The following CA1 variants were observed in gnomAD, a reference collection of about 807,000 sequenced individuals.
CA1 encodes carbonic anhydrase 1.
In CA1, 27 loss-of-function variants were observed where a neutral mutation model predicts 28.8. That is an observed-to-expected ratio of 0.94 (90% CI 0.69 to 1.29). CA1 has a LOEUF of 1.29. Ranked by LOEUF, CA1 falls within the 50% of genes most tolerant of loss-of-function variation. CA1 has a pLI of 0.00. For missense variants in CA1, 335 were observed against 310.5 expected, an observed-to-expected ratio of 1.08 and a Z score of -0.59; for synonymous variants, 121 against 108.8, an observed-to-expected ratio of 1.11 and a Z score of -0.70.
chr8:85,327,865 T>C lies in CA1; in HGVS notation c.*695A>G, dbSNP rs1040394680. ...TTTTCTTCCAATTTTAAAGTAAAGA[T>C]TCTCCATGCAAACTAACTAGTTGTA... On this transcript the variant is annotated 3_prime_UTR_variant, in exon 8 of 8. Coordinates refer to ENST00000523022, the MANE Select transcript of CA1 (RefSeq NM_001128831.4). 6.6e-6 allele frequency: 1 copy of C among 152,224 alleles called. No homozygotes were observed. The highest frequency in any genetic ancestry group is 2.4e-5 in the African/African-American group (1 of 41,476). The allele number at this position is 152,224 out of a possible 1,614,324, so 9.4% of individuals were successfully genotyped here.
At chr8:85,367,448 A>G (rs184415779) in intron 1 of CA1, among the ~76,000 whole-genome samples, 1 of 152,342 alleles carries the variant, frequency 6.6e-6, no homozygotes, top group Non-Finnish European at 1.5e-5. Flanking sequence ...GTGGCATAAG[A>G]GAAAACATTT....
At chr8:85,358,569 C>T (rs113006602) in intron 1 of CA1, among the ~76,000 whole-genome samples, 3,734 of 152,210 alleles carry the variant, frequency 0.025, 148 homozygotes, top group African/African-American at 0.085. Flanking sequence ...GAGCCCGATG[C>T]ATTCTAGTAA....
intron 1 of CA1, among the ~76,000 whole-genome samples, chr8:85,377,578 G>A (rs1405249850): frequency 6.6e-6 from 1 of 152,160 alleles, no homozygotes; most frequent in Non-Finnish European, 1.5e-5. Flanking sequence ...GCTGAGGAGG[G>A]CAGATCACCT....
chr8:85,347,758 A>G (rs1809257708), intron 1 of CA1, among the ~76,000 whole-genome samples: 1 of 151,812 alleles, frequency 6.6e-6, no homozygotes, highest in African/African-American at 2.4e-5. Context: ...CTCAGTTACT[A>G]CTCTTGATAC....
chr8:85,364,667 A>G (rs1440926702), intron 1 of CA1, among the ~76,000 whole-genome samples: 3 of 152,226 alleles, frequency 2.0e-5, no homozygotes, highest in Admixed American at 2.0e-4. Flanking sequence ...ATACACACTG[A>G]GCTATGAAAA....
At chr8:85,355,128 A>G (rs1398192450) in intron 1 of CA1, among the ~76,000 whole-genome samples, 1 of 152,088 alleles carries the variant, frequency 6.6e-6, no homozygotes, top group East Asian at 1.9e-4. Context: ...ATGGCCTGAT[A>G]CTGACCACTA....
chr8:85,339,185 G>T (rs1808812675), intron 2 of CA1, among the ~76,000 whole-genome samples: 1 of 152,012 alleles, frequency 6.6e-6, no homozygotes, highest in Non-Finnish European at 1.5e-5. Flanking sequence ...TGCAGATATT[G>T]CATTTTTTAC....
intron 1 of CA1, among the ~76,000 whole-genome samples, chr8:85,356,232 A>G (rs922202338): frequency 2.0e-5 from 3 of 152,180 alleles, no homozygotes; most frequent in Non-Finnish European, 2.9e-5. Context: ...CTAACCTTCT[A>G]TTTGCACAAT....
intron 1 of CA1, among the ~76,000 whole-genome samples, chr8:85,355,158 G>T (rs1809556242): frequency 6.6e-6 from 1 of 152,140 alleles, no homozygotes; most frequent in South Asian, 2.1e-4. Flanking sequence ...AGGGTCAAGT[G>T]ACTGCTTGAA....
intron 6 of CA1, among the ~76,000 whole-genome samples, chr8:85,331,411 A>C (rs1366018285): frequency 6.6e-6 from 1 of 151,844 alleles, no homozygotes; most frequent in Non-Finnish European, 1.5e-5. Flanking sequence ...TTTATTGATA[A>C]AATTTTACCC....
chr8:85,348,289 G>A (rs1374729176), intron 1 of CA1, among the ~76,000 whole-genome samples: 1 of 151,974 alleles, frequency 6.6e-6, no homozygotes, highest in Non-Finnish European at 1.5e-5. Flanking sequence ...TAATTATTAA[G>A]TCAGTATGCT....
intron 1 of CA1, among the ~76,000 whole-genome samples, chr8:85,366,411 C>T (rs1487425780): frequency 6.6e-6 from 1 of 151,934 alleles, no homozygotes; most frequent in African/African-American, 2.4e-5. Flanking sequence ...AGCCAATGGC[C>T]AACAGTGTGA....
At chr8:85,344,969 A>C (rs1482969951) in intron 1 of CA1, among the ~76,000 whole-genome samples, 5 of 152,110 alleles carry the variant, frequency 3.3e-5, no homozygotes, top group Non-Finnish European at 5.9e-5. Flanking sequence ...CCCTCTAGAG[A>C]TGGTATCATT....
Position 85,328,366 on chromosome 8 carries a change from C to T in CA1, c.*194G>A. The T allele has an allele frequency of 6.8e-6, 3 of 440,752 alleles. No homozygotes were observed. The allele number at this position is 440,752 out of a possible 1,614,324, so 27.3% of individuals were successfully genotyped here. On this transcript the variant is annotated 3_prime_UTR_variant, in exon 8 of 8. Transcript: ENST00000523022. Reference sequence around the variant, plus strand: ...GCTTATGCTTACAGATTACTATTTGCTAGCTTACTAATTATTATTTGAATT... The same window carrying T: ...GCTTATGCTTACAGATTACTATTTGTTAGCTTACTAATTATTATTTGAATT...
At chr8:85,338,691 T>C (rs1808782790) in intron 2 of CA1, among the ~76,000 whole-genome samples, 1 of 143,870 alleles carries the variant, frequency 7.0e-6, no homozygotes, top group African/African-American at 2.6e-5. Flanking sequence ...TTTCCTTCTT[T>C]CTCTCTCTCT....
intron 1 of CA1, among the ~76,000 whole-genome samples, chr8:85,365,530 C>G (rs1809971915): frequency 6.6e-6 from 1 of 152,140 alleles, no homozygotes; most frequent in Admixed American, 6.6e-5. Flanking sequence ...GTGTTCTGCA[C>G]CCGTTCGTCA....
chr8:85,328,061 A>AT lies in CA1; in HGVS notation c.*498dup, dbSNP rs1808245480. 1 of 154,112 alleles carries AT rather than the reference A, an allele frequency of 6.5e-6. No homozygotes were observed. The highest frequency in any genetic ancestry group is 1.4e-5 in the Non-Finnish European group (1 of 69,422). 9.5% of individuals were successfully genotyped at this position (154,112 alleles called of 1,614,324 possible). On this transcript the variant is annotated 3_prime_UTR_variant, in exon 8 of 8. Transcript: ENST00000523022. Reference sequence around the variant, plus strand: ...TAAATCCAGTGGTCATCTCAGCTATATTTTTGTCTTCAGGAGTAAGCAAAT... The same window carrying AT: ...TAAATCCAGTGGTCATCTCAGCTATATTTTTTGTCTTCAGGAGTAAGCAAAT...
chr8:85,358,506 A>G (rs1033163316), intron 1 of CA1, among the ~76,000 whole-genome samples: 16 of 152,286 alleles, frequency 1.1e-4, no homozygotes, highest in African/African-American at 3.1e-4. Context: ...GGGTGCCTAA[A>G]TATTTGTTGA....
intron 1 of CA1, among the ~76,000 whole-genome samples, chr8:85,375,920 A>G (rs1017078087): frequency 4.3e-4 from 65 of 152,356 alleles, no homozygotes; most frequent in African/African-American, 1.5e-3. Context: ...ATTGAACTGG[A>G]TATAAAACAT....
Sources: gnomAD v4.1 joint callset for allele counts (sites outside exome capture counted in the v4.1 genomes callset) on GRCh38, gnomAD v4.1.1 for gene constraint, MANE v1.5 for transcripts, NCBI Gene and HGNC (gene_info 2026-07-23, HGNC 2026-07-21) for gene names.